Variants in BMP2 observed in about 807,000 individuals in gnomAD.
BMP2 encodes bone morphogenetic protein 2A.
Under a neutral mutation model 28.8 loss-of-function variants are expected in BMP2, and 2 were observed. The ratio of observed to expected loss-of-function variants is 0.07; its 90% CI spans 0.03 to 0.22. BMP2 has a LOEUF of 0.22. Ranked by LOEUF, BMP2 falls within the 10% of genes least tolerant of loss-of-function variation. The probability of loss-of-function intolerance (pLI) is 1.00; values close to 1 mark genes in which losing one functional copy is unlikely to be tolerated. For missense variants in BMP2, 437 were observed against 517.7 expected, an observed-to-expected ratio of 0.84 and a Z score of 1.51; for synonymous variants, 218 against 204.3, an observed-to-expected ratio of 1.07 and a Z score of -0.57.
chr20:6,777,002 C>A (rs1986514082), intron 2 of BMP2, among the ~76,000 whole-genome samples: 1 of 152,114 alleles, frequency 6.6e-6, no homozygotes, highest in African/African-American at 2.4e-5. Context: ...ATGAAGCAGG[C>A]AAATTCTGTT....
At chr20:6,773,088 T>A (rs1986431686) in intron 2 of BMP2, among the ~76,000 whole-genome samples, 1 of 152,240 alleles carries the variant, frequency 6.6e-6, no homozygotes, top group African/African-American at 2.4e-5. Context: ...GTGCTTCTTG[T>A]TCTCCTCACT....
chr20:6,779,232 A>G lies in BMP2; in HGVS notation c.*143A>G, dbSNP rs1462846330. The G allele has an allele frequency of 3.5e-6, 1 of 284,906 alleles. No individual in the cohort carries two copies. Among genetic ancestry groups the G allele is most frequent in the Non-Finnish European group, 6.0e-6 (1 of 167,186 alleles). 17.6% of individuals were successfully genotyped at this position (284,906 alleles called of 1,614,324 possible). ...TTTATTTATGGAATGGAATGGAAAAAAAAACAGCTATTTTGAAAATATATT... is the reference window on the plus strand; with the variant it reads ...TTTATTTATGGAATGGAATGGAAAAGAAAACAGCTATTTTGAAAATATATT... On this transcript the variant is annotated 3_prime_UTR_variant, in exon 3 of 3. Transcript: ENST00000378827.
At chr20:6,773,252 C>T (rs948381409) in intron 2 of BMP2, among the ~76,000 whole-genome samples, 1 of 152,174 alleles carries the variant, frequency 6.6e-6, no homozygotes, top group African/African-American at 2.4e-5. Context: ...TATTGCCCTG[C>T]ATTAGAGACT....
At chr20:6,771,206 T>C (rs566559608) in intron 2 of BMP2, among the ~76,000 whole-genome samples, 1 of 152,166 alleles carries the variant, frequency 6.6e-6, no homozygotes, top group African/African-American at 2.4e-5. Context: ...TTTTCTTTTA[T>C]GATACTACAT....
At chr20:6,771,270 T>C (rs1228934993) in intron 2 of BMP2, among the ~76,000 whole-genome samples, 1 of 152,218 alleles carries the variant, frequency 6.6e-6, no homozygotes, top group African/African-American at 2.4e-5. Flanking sequence ...GGGCATTTAG[T>C]GGACTGGAAA....
chr20:6,779,168 C>T lies in BMP2; in HGVS notation c.*79C>T. The stretch of plus-strand genomic sequence containing the variant: ...GAAAAAAACAAACAAACAAAAAAAC[C>T]CCACCCCAGTTGACACTTTAATATT... On this transcript the variant is annotated 3_prime_UTR_variant, in exon 3 of 3. Transcript: ENST00000378827. 1 of 694,100 alleles carries T rather than the reference C, an allele frequency of 1.4e-6. No homozygotes were observed. 43.0% of individuals were successfully genotyped at this position (694,100 alleles called of 1,614,324 possible). A position where few individuals can be genotyped will look rare whatever the true frequency, so the allele number is the denominator to read the frequency against.
Position 6,767,993 on chromosome 20 carries a change from C to G in BMP2, c.-890C>G. On this transcript the variant is annotated 5_prime_UTR_variant, in exon 1 of 3. Transcript: ENST00000378827. ...AGCCGCGGACGGGCGCGCAGAGCGC[C>G]GGGGACTCCGGAGCCGATCCCTAGC... 7.5e-6 allele frequency: 3 copies of G among 397,502 alleles called. No individual in the cohort carries two copies. Among genetic ancestry groups the G allele is most frequent in the East Asian group, 3.6e-5 (1 of 27,962 alleles). The allele number at this position is 397,502 out of a possible 1,614,324, so 24.6% of individuals were successfully genotyped here. A position where few individuals can be genotyped will look rare whatever the true frequency, so the allele number is the denominator to read the frequency against.
At chr20:6,776,000 A>G (rs1003695532) in intron 2 of BMP2, among the ~76,000 whole-genome samples, 2 of 152,148 alleles carry the variant, frequency 1.3e-5, no homozygotes, top group African/African-American at 4.8e-5. Flanking sequence ...ATAAGCCAGT[A>G]GCTCAGGTGC....
chr20:6,774,203 A>T lies in BMP2; in HGVS notation c.346+3731A>T, dbSNP rs146681780. ...TGCTTAAGTTTTTGAGTCCTCATGT[A>T]TGTTAGGTAGTGCCATCTAGTAGCC... On this transcript the variant is annotated intron_variant, in intron 2 of 2. Transcript: ENST00000378827. Among the ~76,000 whole-genome samples the T allele has an allele frequency of 1.5e-3, 226 of 151,850 alleles. 2 individuals carry two copies. The East Asian group carries it at 0.037, about 25-fold the overall frequency.
Position 6,768,004 on chromosome 20 carries a change from G to A in BMP2, c.-879G>A, listed in dbSNP as rs564155406. On this transcript the variant is annotated 5_prime_UTR_variant, in exon 1 of 3. Transcript: ENST00000378827. Reference sequence around the variant, plus strand: ...GGCGCGCAGAGCGCCGGGGACTCCGGAGCCGATCCCTAGCGCCGCGATGCG... The same window carrying A: ...GGCGCGCAGAGCGCCGGGGACTCCGAAGCCGATCCCTAGCGCCGCGATGCG... 3 of 397,820 alleles carry A rather than the reference G, an allele frequency of 7.5e-6. No individual in the cohort carries two copies. In the East Asian group the frequency reaches 1.1e-4, roughly 14 times the overall value. The allele number at this position is 397,820 out of a possible 1,614,324, so 24.6% of individuals were successfully genotyped here.
At position 6,779,031 on chromosome 20, in the gene BMP2, A is replaced by G. The variant is rs1986566389; in HGVS notation, c.1133A>G (p.Glu378Gly). The G allele has an allele frequency of 1.2e-6, 2 of 1,613,614 alleles. No individual in the cohort carries two copies. The highest frequency in any genetic ancestry group is 8.5e-7 in the Non-Finnish European group (1 of 1,179,924). Residue 378 changes from glutamate (E) to glycine (G), a missense_variant, in exon 3 of 3, where the codon GAA (glutamate) becomes GGA (glycine). By Grantham distance (98) the Glu-to-Gly change is moderately conservative. Around this residue, in one of 2 missense-constraint regions of BMP2, gnomAD observed 74 missense variants for 124.9 expected, o/e 0.59. Transcript: ENST00000378827. Reference protein sequence around the residue: ...AISMLYLDENEKVVLKNYQDM... With the variant: ...AISMLYLDENGKVVLKNYQDM... ...TCGATGCTGTACCTTGACGAGAATG[A>G]AAAGGTTGTATTAAAGAACTATCAG... is the stretch of plus-strand genomic sequence containing the variant.
Position 6,770,334 on chromosome 20 carries a change from A to C in BMP2, c.208A>C (p.Ser70Arg). ...CGGCCTGAAACAGAGACCCACCCCC[A>C]GCAGGGACGCCGTGGTGCCCCCCTA... is the stretch of plus-strand genomic sequence containing the variant. ...MFGLKQRPTPSRDAVVPPYML... is the reference protein window; with the variant it reads ...MFGLKQRPTPRRDAVVPPYML... The change falls in exon 2 of 3, where the codon AGC (serine) becomes CGC (arginine). Residue 70 changes from serine (S) to arginine (R), a missense_variant. Ser to Arg is a moderately radical substitution (Grantham distance 110). This residue lies in a region of BMP2 where 363 missense variants were observed against 392.8 expected (regional missense o/e 0.92). Coordinates refer to ENST00000378827, the MANE Select transcript of BMP2 (RefSeq NM_001200.4). 6.2e-7 allele frequency: 1 copy of C among 1,613,478 alleles called. No homozygotes were observed. The highest frequency in any genetic ancestry group is 8.5e-7 in the Non-Finnish European group (1 of 1,179,954).
At position 6,778,943 on chromosome 20, in the gene BMP2, G is replaced by C; in HGVS notation, c.1045G>C (p.Val349Leu). Residue 349 changes from valine (V) to leucine (L), a missense_variant, in exon 3 of 3, where the codon GTC becomes CTC. Val to Leu is a conservative substitution (Grantham distance 32, BLOSUM62 1). This residue lies in a region of BMP2 where 74 missense variants were observed against 124.9 expected (regional missense o/e 0.59). Transcript: ENST00000378827. This position sits in a 1 kb window ranked among gnomAD's most constrained non-coding sequence, Gnocchi z 5.0. ...TAATCATGCCATTGTTCAGACGTTG[G>C]TCAACTCTGTTAACTCTAAGATTCC... ...STNHAIVQTL[V>L]NSVNSKIPKA... 6.2e-7 allele frequency: 1 copy of C among 1,613,824 alleles called. No homozygotes were observed. Among genetic ancestry groups the C allele is most frequent in the Non-Finnish European group, 8.5e-7 (1 of 1,179,972 alleles).
intron 2 of BMP2, among the ~76,000 whole-genome samples, chr20:6,776,030 T>C (rs1002078965): frequency 3.4e-4 from 51 of 152,160 alleles, no homozygotes; most frequent in Non-Finnish European, 5.9e-4. Context: ...TTTGGTGTCA[T>C]TGGGGTCTGA....
In BMP2 at chr20:6,767,784, C is replaced by T. The variant is rs1377745549; in HGVS notation, c.-1099C>T. ...TCCGCTTCCCACACCCCGCCGGGGA[C>T]TGGCAGCCGCCGCCGCACATCTGCC... is the stretch of plus-strand genomic sequence containing the variant. On this transcript the variant is annotated 5_prime_UTR_variant, in exon 1 of 3. Transcript: ENST00000378827. 1 of 281,860 alleles carries T rather than the reference C, an allele frequency of 3.5e-6. No individual in the cohort carries two copies. The highest frequency in any genetic ancestry group is 5.3e-5 in the Admixed American group (1 of 18,960). The allele number at this position is 281,860 out of a possible 1,614,324, so 17.5% of individuals were successfully genotyped here. A position where few individuals can be genotyped will look rare whatever the true frequency, so the allele number is the denominator to read the frequency against.
Position 6,767,761 on chromosome 20 carries a change from C to G in BMP2, c.-1122C>G, listed in dbSNP as rs989613153. ...CCGGCTCGCGCTGCGCTAGTCGCTC[C>G]GCTTCCCACACCCCGCCGGGGACTG... On this transcript the variant is annotated 5_prime_UTR_variant, in exon 1 of 3. Transcript: ENST00000378827. The G allele has an allele frequency of 4.4e-6, 1 of 229,196 alleles. No homozygotes were observed. The highest frequency in any genetic ancestry group is 8.4e-6 in the Non-Finnish European group (1 of 119,344). The allele number at this position is 229,196 out of a possible 1,614,324, so 14.2% of individuals were successfully genotyped here.
intron 2 of BMP2, among the ~76,000 whole-genome samples, chr20:6,770,871 A>G (rs1343701462): frequency 6.6e-6 from 1 of 152,246 alleles, no homozygotes; most frequent in Non-Finnish European, 1.5e-5. Flanking sequence ...CTTTTGCTCT[A>G]TAAATCTGCC....
rs1195062968 is a variant in BMP2, at chr20:6,767,756, C to T, written c.-1127C>T. On this transcript the variant is annotated 5_prime_UTR_variant, in exon 1 of 3. Coordinates refer to ENST00000378827, the MANE Select transcript of BMP2 (RefSeq NM_001200.4). ...TGCGCCCGGCTCGCGCTGCGCTAGT[C>T]GCTCCGCTTCCCACACCCCGCCGGG... is the stretch of plus-strand genomic sequence containing the variant. 2 of 215,656 alleles carry T rather than the reference C, an allele frequency of 9.3e-6. No individual in the cohort carries two copies. The highest frequency in any genetic ancestry group is 1.8e-5 in the Non-Finnish European group (2 of 110,452). The allele number at this position is 215,656 out of a possible 1,614,324, so 13.4% of individuals were successfully genotyped here. A position where few individuals can be genotyped will look rare whatever the true frequency, so the allele number is the denominator to read the frequency against.
chr20:6,778,651 C>G lies in BMP2; in HGVS notation c.753C>G (p.His251Gln). The G allele has an allele frequency of 6.2e-7, 1 of 1,614,036 alleles. No individual in the cohort carries two copies. The highest frequency in any genetic ancestry group is 8.5e-7 in the Non-Finnish European group (1 of 1,179,998). The change falls in exon 3 of 3, where the codon CAC becomes CAG. Residue 251 changes from histidine to glutamine, a missense_variant. Physicochemically the swap from His to Gln is conservative, Grantham distance 24. Coordinates refer to ENST00000378827, the MANE Select transcript of BMP2 (RefSeq NM_001200.4). The surrounding 1 kb of genome is among the most constrained non-coding windows in gnomAD (Gnocchi z 5.0). ...KRHVRISRSL[H>Q]QDEHSWSQIR... ...ATGTTAGGATAAGCAGGTCTTTGCACCAAGATGAACACAGCTGGTCACAGA... is the reference window on the plus strand; with the variant it reads ...ATGTTAGGATAAGCAGGTCTTTGCAGCAAGATGAACACAGCTGGTCACAGA...
Sources: allele counts gnomAD v4.1 joint callset (sites outside exome capture counted in the v4.1 genomes callset), GRCh38; gene constraint gnomAD v4.1.1; regional missense constraint gnomAD v4.1.1; non-coding constraint Gnocchi (gnomAD v3.1); transcripts MANE v1.5; gene names NCBI Gene and HGNC (gene_info 2026-07-23, HGNC 2026-07-21).